The following COL19A1 variants were observed in gnomAD, a reference collection of about 807,000 sequenced individuals.
COL19A1 encodes the protein collagen alpha-1(XIX) chain.
In COL19A1, 159 loss-of-function variants were observed where a neutral mutation model predicts 190.2. That is an observed-to-expected ratio of 0.84 (90% CI 0.73 to 0.95). COL19A1 has a LOEUF of 0.95. Ranked by LOEUF, COL19A1 falls within the 40% of genes least tolerant of loss-of-function variation. The pLI, the probability that COL19A1 is intolerant of heterozygous loss-of-function variation, is 0.00. For synonymous variants in COL19A1, 509 were observed against 458.9 expected, an observed-to-expected ratio of 1.11 and a Z score of -1.39; for missense variants, 1,418 against 1,431.9, an observed-to-expected ratio of 0.99 and a Z score of 0.16.
intron 11 of COL19A1, among the ~76,000 whole-genome samples, chr6:69,978,296 T>C (rs1388267577): frequency 6.6e-6 from 1 of 152,102 alleles, no homozygotes; most frequent in African/African-American, 2.4e-5. Context: ...GACACAGAGA[T>C]AAAGAGATAA....
At chr6:69,946,505 TA>T (rs1773816297) in intron 9 of COL19A1, among the ~76,000 whole-genome samples, 1 of 151,988 alleles carries the variant, frequency 6.6e-6, no homozygotes, top group Admixed American at 6.6e-5. Context: ...TAGTTTTAGT[TA>T]TGATTAGCAC....
Position 70,210,437 on chromosome 6 carries a change from G to A in COL19A1, c.*3163G>A, listed in dbSNP as rs1445894648. On this transcript the variant is annotated 3_prime_UTR_variant, in exon 51 of 51. Transcript: ENST00000620364. ...ACCTTTTAAACTTTTCACTTTGTGAGCAAAGTAACCCCATAAGTTTATTTC... is the reference window on the plus strand; with the variant it reads ...ACCTTTTAAACTTTTCACTTTGTGAACAAAGTAACCCCATAAGTTTATTTC... Among the ~76,000 whole-genome samples the A allele has an allele frequency of 6.6e-6, 1 of 152,168 alleles. No individual in the cohort carries two copies. The highest frequency in any genetic ancestry group is 1.9e-4 in the East Asian group (1 of 5,206).
At chr6:69,957,315 C>T (rs1234607537) in intron 9 of COL19A1, among the ~76,000 whole-genome samples, 2 of 152,048 alleles carry the variant, frequency 1.3e-5, no homozygotes, top group Non-Finnish European at 2.9e-5. Flanking sequence ...TAAACATCAC[C>T]TAACTTTGTC....
In COL19A1 at chr6:69,936,823, A is replaced by T; in HGVS notation, c.786A>T (p.Ser262=). Residue 262 remains serine (S), a synonymous_variant, in exon 8 of 51, where the codon TCA becomes TCT. Coordinates refer to ENST00000620364, the MANE Select transcript of COL19A1 (RefSeq NM_001858.6). The stretch of plus-strand genomic sequence containing the variant: ...ATGGCTTTGGAAATATTGCATCATC[A>T]TGGGTAACTGCTCATGCCAGTAAAA... ...EQDGFGNIAS[S]WVTAHASKMS... is the part of the protein sequence containing the mutation. 6.2e-7 allele frequency: 1 copy of T among 1,613,136 alleles called. No individual in the cohort carries two copies. The highest frequency in any genetic ancestry group is 8.5e-7 in the Non-Finnish European group (1 of 1,179,294).
At chr6:70,043,817 T>C (rs930061914) in intron 14 of COL19A1, among the ~76,000 whole-genome samples, 3 of 152,216 alleles carry the variant, frequency 2.0e-5, no homozygotes, top group Non-Finnish European at 2.9e-5. Context: ...CCTAGGATTT[T>C]CAGAATGAGG....
In COL19A1 at chr6:70,121,906, C is replaced by T. The variant is rs1249020804; in HGVS notation, c.1305C>T (p.His435=). 2.5e-6 allele frequency: 4 copies of T among 1,589,736 alleles called. No homozygotes were observed. In the African/African-American group the frequency reaches 4.1e-5, roughly 16 times the overall value. ...GACCTCCTGGAATACAAGGAATACA[C>T]CAAACTCTTGGTGGATATTATAACA... The part of the protein sequence containing the change: ...PPGPPGIQGI[H]QTLGGYYNKD... Residue 435 remains histidine, a synonymous_variant, in exon 17 of 51, where the codon CAC becomes CAT. Coordinates refer to ENST00000620364, the MANE Select transcript of COL19A1 (RefSeq NM_001858.6).
At chr6:69,997,379 G>C (rs1370483752) in intron 11 of COL19A1, among the ~76,000 whole-genome samples, 2 of 152,232 alleles carry the variant, frequency 1.3e-5, no homozygotes, top group African/African-American at 4.8e-5. Flanking sequence ...GCTCACGCCT[G>C]TAATCCCAAC....
At chr6:70,019,405 G>T (rs752763365) in intron 11 of COL19A1, among the ~76,000 whole-genome samples, 1 of 151,842 alleles carries the variant, frequency 6.6e-6, no homozygotes, top group Non-Finnish European at 1.5e-5. Context: ...CCTGCATTAT[G>T]GATAATAGAC....
intron 11 of COL19A1, among the ~76,000 whole-genome samples, chr6:69,971,886 A>G (rs555603658): frequency 1.3e-5 from 2 of 152,126 alleles, no homozygotes; most frequent in Non-Finnish European, 2.9e-5. Flanking sequence ...TCATTTTCCA[A>G]ATTATGGTCA....
intron 4 of COL19A1, among the ~76,000 whole-genome samples, chr6:69,925,712 C>T (rs1417671517): frequency 6.6e-6 from 1 of 152,180 alleles, no homozygotes; most frequent in Non-Finnish European, 1.5e-5. Flanking sequence ...TTCTTCCTAT[C>T]CATGGGCATG....
intron 9 of COL19A1, among the ~76,000 whole-genome samples, chr6:69,948,289 C>G (rs998092991): frequency 6.6e-6 from 1 of 151,800 alleles, no homozygotes; most frequent in Non-Finnish European, 1.5e-5. Context: ...GTGAGACTTA[C>G]GTACATTTAC....
chr6:69,970,317 A>G (rs954610896), intron 11 of COL19A1, among the ~76,000 whole-genome samples: 1 of 152,192 alleles, frequency 6.6e-6, no homozygotes, highest in Non-Finnish European at 1.5e-5. Flanking sequence ...GTGTCAAAAC[A>G]TATTTTGAAT....
intron 27 of COL19A1, 59 bp from the exon 28 acceptor site, chr6:70,149,645 T>C: frequency 6.3e-7 from 1 of 1,596,372 alleles, no homozygotes; most frequent in South Asian, 1.1e-5. Context: ...TTATGTCACT[T>C]GGATAATTTA....
At chr6:69,906,787 T>G (rs1018053094) in intron 4 of COL19A1, among the ~76,000 whole-genome samples, 2 of 152,212 alleles carry the variant, frequency 1.3e-5, no homozygotes, top group African/African-American at 4.8e-5. Flanking sequence ...TAAAGATAAT[T>G]TAGTTTCATA....
In COL19A1 at chr6:70,055,543, G is replaced by C. The variant is rs1780447066; in HGVS notation, c.1171-12880G>C. Among the ~76,000 whole-genome samples the C allele has an allele frequency of 1.3e-5, 2 of 151,860 alleles. 1 individual carries two copies. Among genetic ancestry groups the C allele is most frequent in the South Asian group, 4.1e-4 (2 of 4,824 alleles). ...ATGCTTGTAATCCCAGCACCTTGGGGGGCTGAGGTGGGTGGAACACCTGAG... is the reference window on the plus strand; with the variant it reads ...ATGCTTGTAATCCCAGCACCTTGGGCGGCTGAGGTGGGTGGAACACCTGAG... On this transcript the variant is annotated intron_variant, in intron 14 of 50. Transcript: ENST00000620364.
At chr6:70,149,494 A>G (rs370296935) in intron 27 of COL19A1, among the ~76,000 whole-genome samples, 12 of 152,246 alleles carry the variant, frequency 7.9e-5, no homozygotes, top group African/African-American at 2.4e-4. Context: ...CCTGAGCAAA[A>G]TCATGTTGAT....
chr6:69,950,385 CTAATA>C (rs552481396), intron 9 of COL19A1, among the ~76,000 whole-genome samples: 16 of 151,898 alleles, frequency 1.1e-4, no homozygotes, highest in African/African-American at 3.4e-4. Context: ...CATTCTTAAT[CTAATA>C]TTAGTTCTAA....
intron 25 of COL19A1, among the ~76,000 whole-genome samples, chr6:70,145,650 G>A (rs1405480295): frequency 6.6e-6 from 1 of 150,896 alleles, no homozygotes; most frequent in African/African-American, 2.4e-5. Flanking sequence ...TAATAAACCT[G>A]TACATATACC....
chr6:70,168,737 G>A lies in COL19A1; in HGVS notation c.2568+56G>A, dbSNP rs1765321181. The A allele has an allele frequency of 1.9e-6, 3 of 1,595,544 alleles. No individual in the cohort carries two copies. The East Asian group carries it at 6.8e-5, about 36-fold the overall frequency. ...AGAATATTGGTCTTTGTTAAATTTTGAAAGAAAAGCATCGGGCAAAATGGC... is the reference window on the plus strand; with the variant it reads ...AGAATATTGGTCTTTGTTAAATTTTAAAAGAAAAGCATCGGGCAAAATGGC... On this transcript the variant is annotated intron_variant, in intron 40 of 50. Transcript: ENST00000620364.
Sources: allele counts gnomAD v4.1 joint callset (sites outside exome capture counted in the v4.1 genomes callset), GRCh38; gene constraint gnomAD v4.1.1; transcripts MANE v1.5; gene names NCBI Gene and HGNC (gene_info 2026-07-23, HGNC 2026-07-21).